DPP10: variants seen among roughly 807,000 people sequenced by gnomAD.
DPP10 encodes the protein inactive dipeptidyl peptidase 10.
DPP10 carries 33 observed loss-of-function variants against 120.9 expected under a neutral mutation model. The observed-to-expected ratio is 0.27, with a 90% CI of 0.21 to 0.37. The LOEUF (loss-of-function observed/expected upper bound fraction) is 0.37. DPP10 is among the 10% of genes least tolerant of loss of function. DPP10 has a pLI of 1.00. For missense variants in DPP10, 816 were observed against 942.8 expected (o/e 0.87, Z 1.76); for synonymous variants, 337 against 326.1 (o/e 1.03, Z -0.36).
chr2:115,099,449 C>G (rs996389101), intron 1 of DPP10, among the ~76,000 whole-genome samples: 3 of 152,174 alleles, frequency 2.0e-5, no homozygotes, highest in Non-Finnish European at 4.4e-5. Context: ...CTTTATTTGT[C>G]TCCTGGAGAA....
chr2:114,586,968 T>A (rs1691033954), intron 1 of DPP10, among the ~76,000 whole-genome samples: 1 of 152,186 alleles, frequency 6.6e-6, no homozygotes, highest in African/African-American at 2.4e-5. Context: ...TTGTATGGCC[T>A]GCAAAACCAT....
chr2:115,500,686 A>T (rs2076638792), intron 4 of DPP10, among the ~76,000 whole-genome samples: 2 of 152,006 alleles, frequency 1.3e-5, no homozygotes, highest in African/African-American at 4.8e-5. Flanking sequence ...TTGGTTTTAA[A>T]CTAATTACAG....
chr2:115,493,965 T>A (rs1047562146), intron 3 of DPP10, among the ~76,000 whole-genome samples: 2 of 152,100 alleles, frequency 1.3e-5, no homozygotes, highest in South Asian at 2.1e-4. Flanking sequence ...TTATTTATTT[T>A]TTGAGACAGA....
chr2:115,732,073 A>G (rs1244618344), intron 8 of DPP10, among the ~76,000 whole-genome samples: 5 of 152,014 alleles, frequency 3.3e-5, no homozygotes, highest in African/African-American at 7.2e-5. Flanking sequence ...TGTAATTTCA[A>G]CGTTATGTGT....
At chr2:115,437,192 G>T (rs895832928) in intron 3 of DPP10, among the ~76,000 whole-genome samples, 1 of 151,956 alleles carries the variant, frequency 6.6e-6, no homozygotes, top group African/African-American at 2.4e-5. Flanking sequence ...GGATAATAGG[G>T]TGAAGACATT....
At chr2:115,101,304 C>T (rs1181708089) in intron 1 of DPP10, among the ~76,000 whole-genome samples, 1 of 152,128 alleles carries the variant, frequency 6.6e-6, no homozygotes, top group African/African-American at 2.4e-5. Context: ...ATGGAAATAT[C>T]TGGTTACAAA....
intron 1 of DPP10, among the ~76,000 whole-genome samples, chr2:114,652,992 GAGAGAGAGAGAGAGAGAA>G (rs1381277962): frequency 3.4e-5 from 3 of 87,292 alleles, no homozygotes; most frequent in Non-Finnish European, 6.2e-5. Flanking sequence ...CATTGGAAGA[GAGAGAGAGAGAGAGAGAA>G]AGAGAGAGAG....
Position 115,820,579 on chromosome 2 carries a change from C to T in DPP10, c.1950+4850C>T, listed in dbSNP as rs542191787. 2.0e-3 allele frequency among the ~76,000 whole-genome samples: 310 copies of T among 152,144 alleles called. 1 individual carries two copies. The highest frequency in any genetic ancestry group is 7.1e-3 in the African/African-American group (295 of 41,508). On this transcript the variant is annotated intron_variant, in intron 21 of 25. Transcript: ENST00000410059. ...AGTGTGTAGTCTTTCATCCCTTACCCACCTCTCACTTTTTCCCTCCAAGTC... is the reference window on the plus strand; with the variant it reads ...AGTGTGTAGTCTTTCATCCCTTACCTACCTCTCACTTTTTCCCTCCAAGTC...
intron 1 of DPP10, among the ~76,000 whole-genome samples, chr2:114,999,057 T>A (rs1701272375): frequency 6.6e-6 from 1 of 152,198 alleles, no homozygotes; most frequent in African/African-American, 2.4e-5. Context: ...TTGAAGCACT[T>A]TTTTATAAGG....
intron 5 of DPP10, among the ~76,000 whole-genome samples, chr2:115,543,230 A>G (rs959257594): frequency 6.6e-6 from 1 of 152,058 alleles, no homozygotes; most frequent in African/African-American, 2.4e-5. Flanking sequence ...CTGCCAGAAA[A>G]TTCCGGTCTT....
At chr2:115,088,582 A>G (rs1708928549) in intron 1 of DPP10, among the ~76,000 whole-genome samples, 1 of 151,700 alleles carries the variant, frequency 6.6e-6, no homozygotes, top group South Asian at 2.1e-4. Context: ...AGCTGGGAAT[A>G]CACATGGGCA....
chr2:115,469,895 AAAAAG>A lies in DPP10; in HGVS notation c.272-29610_272-29606del, dbSNP rs1185780280. ...CCTGGGCAACAAGAGAAAAAAAAAA[AAAAAG>A]AAAAAAAAAAACTAGTTTCTTTAAA... On this transcript the variant is annotated intron_variant, in intron 3 of 25. Transcript: ENST00000410059. 1.3e-3 allele frequency among the ~76,000 whole-genome samples: 187 copies of A among 149,236 alleles called. 2 individuals are homozygous for A. Among genetic ancestry groups the A allele is most frequent in the Non-Finnish European group, 2.0e-3 (133 of 67,164 alleles).
At chr2:115,409,681 C>A (rs1221390786) in intron 3 of DPP10, among the ~76,000 whole-genome samples, 2 of 152,114 alleles carry the variant, frequency 1.3e-5, no homozygotes, top group African/African-American at 4.8e-5. Context: ...AGAGGAAAAA[C>A]CGTCATTAAA....
At chr2:115,258,584 A>G (rs991360676) in intron 1 of DPP10, among the ~76,000 whole-genome samples, 1 of 152,222 alleles carries the variant, frequency 6.6e-6, no homozygotes, top group Admixed American at 6.5e-5. Flanking sequence ...ATAAACATGC[A>G]TTCAACATGT....
chr2:115,451,745 A>G (rs571640080), intron 3 of DPP10, among the ~76,000 whole-genome samples: 92 of 152,014 alleles, frequency 6.1e-4, no homozygotes, highest in African/African-American at 2.1e-3. Flanking sequence ...TATAATTTTT[A>G]TTAAACAAAA....
At chr2:115,202,159 C>T (rs149998768) in intron 1 of DPP10, among the ~76,000 whole-genome samples, 12 of 152,112 alleles carry the variant, frequency 7.9e-5, no homozygotes, top group Admixed American at 7.2e-4. Flanking sequence ...GAAATCCTGG[C>T]CTCAAGGGAT....
At chr2:115,462,662 A>G (rs989499651) in intron 3 of DPP10, among the ~76,000 whole-genome samples, 7 of 152,212 alleles carry the variant, frequency 4.6e-5, no homozygotes, top group Admixed American at 6.5e-5. Context: ...AAAGTATTAT[A>G]AAGAATATTT....
chr2:114,484,912 G>T (rs1473651717), intron 1 of DPP10, among the ~76,000 whole-genome samples: 3 of 151,344 alleles, frequency 2.0e-5, no homozygotes, highest in Admixed American at 1.3e-4. Flanking sequence ...GTATTTTTCT[G>T]TTTATTTCAT....
intron 1 of DPP10, among the ~76,000 whole-genome samples, chr2:114,585,127 C>T (rs1477032150): frequency 1.3e-5 from 2 of 152,168 alleles, no homozygotes; most frequent in Non-Finnish European, 2.9e-5. Context: ...CTCTCTTCAG[C>T]GTATCATGAG....
Sources: gnomAD v4.1 joint callset for allele counts (sites outside exome capture counted in the v4.1 genomes callset) on GRCh38, gnomAD v4.1.1 for gene constraint, MANE v1.5 for transcripts, NCBI Gene and HGNC (gene_info 2026-07-23, HGNC 2026-07-21) for gene names.